WDFY2: variants seen among roughly 807,000 people sequenced by gnomAD.
WDFY2 encodes WD repeat and FYVE domain-containing protein 2.
Under a neutral mutation model 56.4 loss-of-function variants are expected in WDFY2, and 36 were observed. The ratio of observed to expected loss-of-function variants is 0.64; its 90% CI spans 0.49 to 0.84. The LOEUF is 0.84. Ranked by LOEUF, WDFY2 falls within the 40% of genes least tolerant of loss-of-function variation. WDFY2 has a pLI of 0.00. For missense variants in WDFY2, 444 were observed against 512.2 expected (o/e 0.87, Z 1.29); for synonymous variants, 176 against 183.7 (o/e 0.96, Z 0.34).
At chr13:51,743,355 G>T (rs781620209) in intron 7 of WDFY2, among the ~76,000 whole-genome samples, 2 of 152,266 alleles carry the variant, frequency 1.3e-5, no homozygotes, top group East Asian at 3.9e-4. Context: ...AGCCTCAGGC[G>T]AGGCACTGCA....
At chr13:51,626,173 A>G (rs1954832806) in intron 1 of WDFY2, among the ~76,000 whole-genome samples, 1 of 152,206 alleles carries the variant, frequency 6.6e-6, no homozygotes, top group Non-Finnish European at 1.5e-5. Context: ...TGTCTTTAGA[A>G]CATACATTCT....
At chr13:51,642,664 G>T (rs1233564244) in intron 1 of WDFY2, among the ~76,000 whole-genome samples, 7 of 148,292 alleles carry the variant, frequency 4.7e-5, no homozygotes, top group African/African-American at 9.9e-5. Context: ...TGACCAGCCT[G>T]TGGGCATCTG....
chr13:51,751,637 C>T (rs1953240055), intron 8 of WDFY2: 2 of 514,692 alleles, frequency 3.9e-6, no homozygotes, highest in Non-Finnish European at 7.1e-6. Context: ...TGAGACTAAG[C>T]TGTTTAAATC....
At chr13:51,758,017 ATT>A (rs5803570) in intron 10 of WDFY2, among the ~76,000 whole-genome samples, 173 bp from the exon 11 acceptor site, 2 of 149,476 alleles carry the variant, frequency 1.3e-5, no homozygotes, top group Admixed American at 1.3e-4. Context: ...GATTTCTTGT[ATT>A]TTTTTTTTAT....
In WDFY2 at chr13:51,739,157, T is replaced by C; in HGVS notation, c.707T>C (p.Ile236Thr). 1 of 1,592,640 alleles carries C rather than the reference T, an allele frequency of 6.3e-7. No homozygotes were observed. Among genetic ancestry groups the C allele is most frequent in the East Asian group, 2.3e-5 (1 of 43,602 alleles). The change falls in exon 7 of 12, where the codon ATC becomes ACC. Residue 236 changes from isoleucine to threonine, a missense_variant. By Grantham distance (89) the Ile-to-Thr change is moderately conservative (BLOSUM62 -1). Coordinates refer to ENST00000298125, the MANE Select transcript of WDFY2 (RefSeq NM_052950.4). Reference sequence around the variant, plus strand: ...ATCGGTGGGAGAAAAGGAACAGCCATCGAGCTCCAAGGACACAAGTAAGGT... The same window carrying C: ...ATCGGTGGGAGAAAAGGAACAGCCACCGAGCTCCAAGGACACAAGTAAGGT... ...WDIGGRKGTA[I>T]ELQGHNDRVQ... is the part of the protein sequence containing the mutation.
intron 3 of WDFY2, among the ~76,000 whole-genome samples, chr13:51,685,490 T>C (rs1278442385): frequency 1.3e-5 from 2 of 152,164 alleles, no homozygotes; most frequent in Admixed American, 1.3e-4. Context: ...ACACATACTT[T>C]GTATGTTATA....
intron 2 of WDFY2, among the ~76,000 whole-genome samples, chr13:51,665,018 A>G (rs1405454324): frequency 6.6e-6 from 1 of 152,212 alleles, no homozygotes; most frequent in African/African-American, 2.4e-5. Flanking sequence ...CTGGTGGGGA[A>G]GGCAGACATT....
intron 1 of WDFY2, among the ~76,000 whole-genome samples, chr13:51,628,089 C>G (rs1227570700): frequency 6.6e-6 from 1 of 152,220 alleles, no homozygotes; most frequent in African/African-American, 2.4e-5. Context: ...TGGGGTTTCA[C>G]TGGGGACCCA....
chr13:51,724,231 CTTTTTTTTTT>C (rs529903671), intron 5 of WDFY2, among the ~76,000 whole-genome samples: 1 of 108,016 alleles, frequency 9.3e-6, no homozygotes, highest in African/African-American at 3.7e-5. Context: ...TCTTTTTTAA[CTTTTTTTTTT>C]TTTTTTTTTT....
chr13:51,758,392 T>C (rs2138764762), intron 11 of WDFY2, 92 bp downstream of exon 11: 2 of 937,610 alleles, frequency 2.1e-6, no homozygotes, highest in Middle Eastern at 2.5e-4. Flanking sequence ...GTTCTAAAGG[T>C]TATCCTTGGG....
chr13:51,712,856 A>G (rs4943018), intron 4 of WDFY2, among the ~76,000 whole-genome samples: 15,787 of 152,188 alleles, frequency 0.1, 1,022 homozygotes, highest in East Asian at 0.29. Flanking sequence ...ACAACTTTAT[A>G]CTAATAAATT....
chr13:51,695,245 G>T (rs1424589236), intron 3 of WDFY2, among the ~76,000 whole-genome samples: 1 of 152,208 alleles, frequency 6.6e-6, no homozygotes, highest in Non-Finnish European at 1.5e-5. Flanking sequence ...TCCTTTGGAG[G>T]AGGAGAGGCG....
intron 2 of WDFY2, among the ~76,000 whole-genome samples, chr13:51,666,357 G>A (rs1290116401): frequency 6.6e-6 from 1 of 152,162 alleles, no homozygotes; most frequent in Non-Finnish European, 1.5e-5. Context: ...TTATGAAGGA[G>A]CAAAAAGGTG....
intron 10 of WDFY2, among the ~76,000 whole-genome samples, chr13:51,757,905 T>C (rs568784738): frequency 6.6e-6 from 1 of 152,234 alleles, no homozygotes; most frequent in Admixed American, 6.5e-5. Context: ...AGCCCTGTGG[T>C]TTTAAAAGCT....
chr13:51,727,334 A>G (rs187505989), intron 5 of WDFY2, among the ~76,000 whole-genome samples: 53 of 152,268 alleles, frequency 3.5e-4, no homozygotes, highest in African/African-American at 1.3e-3. Flanking sequence ...ATCACATACC[A>G]TATTGTTCTT....
chr13:51,758,217 G>A lies in WDFY2; in HGVS notation c.1090G>A (p.Asp364Asn). 1 of 1,588,128 alleles carries A rather than the reference G, an allele frequency of 6.3e-7. No individual in the cohort carries two copies. Among genetic ancestry groups the A allele is most frequent in the Non-Finnish European group, 8.6e-7 (1 of 1,160,696 alleles). Residue 364 changes from aspartate (D) to asparagine (N), a missense_variant, in exon 11 of 12, where the codon GAC becomes AAC. Physicochemically the swap from Asp to Asn is conservative, Grantham distance 23 (BLOSUM62 1). Transcript: ENST00000298125. ...ACGTGCACCCACAGCCACCTTCCAT[G>A]ACAGTAAACATAACATTGTGCATGT... The part of the protein sequence containing the change: ...EERAPTATFH[D>N]SKHNIVHVHF...
chr13:51,596,847 C>T lies in WDFY2; in HGVS notation c.137+12023C>T, dbSNP rs112317272. On this transcript the variant is annotated intron_variant, in intron 1 of 11. Coordinates refer to ENST00000298125, the MANE Select transcript of WDFY2 (RefSeq NM_052950.4). ...AAAAAAGGCAGAAGTTGCAGCTGTACACCACGTGACTTGGGCTGTGTAGCC... is the reference window on the plus strand; with the variant it reads ...AAAAAAGGCAGAAGTTGCAGCTGTATACCACGTGACTTGGGCTGTGTAGCC... 6.6e-4 allele frequency among the ~76,000 whole-genome samples: 101 copies of T among 152,342 alleles called. No individual in the cohort carries two copies. In the Middle Eastern group the frequency reaches 0.024, roughly 36 times the overall value.
chr13:51,589,769 T>C (rs768140374), intron 1 of WDFY2: 2 of 152,192 alleles, frequency 1.3e-5, no homozygotes, highest in Non-Finnish European at 2.9e-5. Flanking sequence ...GTGTGAAGTC[T>C]CTAATAGCAT....
intron 10 of WDFY2, among the ~76,000 whole-genome samples, 174 bp from the exon 11 acceptor site, chr13:51,758,017 AT>A (rs5803570): frequency 0.13 from 18,994 of 149,372 alleles, 1,387 homozygotes; most frequent in East Asian, 0.3. Flanking sequence ...GATTTCTTGT[AT>A]TTTTTTTTTA....
Sources: allele counts gnomAD v4.1 joint callset (sites outside exome capture counted in the v4.1 genomes callset), GRCh38; gene constraint gnomAD v4.1.1; transcripts MANE v1.5; gene names NCBI Gene and HGNC (gene_info 2026-07-23, HGNC 2026-07-21).